MCC: variants seen among roughly 807,000 people sequenced by gnomAD.
The protein encoded by MCC is colorectal mutant cancer protein.
A neutral mutation model predicts 116.2 loss-of-function variants in MCC; 90 were observed. That is an observed-to-expected ratio of 0.77 (90% CI 0.65 to 0.92). The LOEUF (loss-of-function observed/expected upper bound fraction) is 0.92. Among genes scored for constraint, MCC ranks in the 40% least tolerant of loss-of-function variants. The probability of loss-of-function intolerance (pLI) is 0.00; values close to 1 mark genes in which losing one functional copy is unlikely to be tolerated. For synonymous variants in MCC, 578 were observed against 510.5 expected (o/e 1.13, Z -1.78); for missense variants, 1,516 against 1,312.2 (o/e 1.16, Z -2.40).
intron 3 of MCC, among the ~76,000 whole-genome samples, chr5:113,302,505 T>A (rs1418670935): frequency 6.6e-6 from 1 of 152,210 alleles, no homozygotes; most frequent in Non-Finnish European, 1.5e-5. Context: ...AGAAATATAC[T>A]TTTTGGATAT....
intron 3 of MCC, among the ~76,000 whole-genome samples, chr5:113,254,439 C>A (rs1277939782): frequency 2.6e-5 from 4 of 152,054 alleles, no homozygotes; most frequent in African/African-American, 9.7e-5. Flanking sequence ...ATAACGCATT[C>A]AAAAAGTTTG....
intron 6 of MCC, among the ~76,000 whole-genome samples, chr5:113,106,545 A>T (rs79974982): frequency 1.3e-5 from 2 of 152,126 alleles, no homozygotes; most frequent in Admixed American, 6.6e-5. Context: ...TAAAAAAAAA[A>T]TACAACCTTT....
intron 2 of MCC, among the ~76,000 whole-genome samples, chr5:113,353,477 T>C (rs562997001): frequency 3.9e-5 from 6 of 152,236 alleles, no homozygotes; most frequent in Non-Finnish European, 7.4e-5. Context: ...CCTCTCTCTT[T>C]ATGGTCTCTC....
chr5:113,145,974 T>C (rs1759491590), intron 4 of MCC, among the ~76,000 whole-genome samples: 1 of 152,032 alleles, frequency 6.6e-6, no homozygotes. Flanking sequence ...ATAGGGCTTG[T>C]AGCTAAAGGA....
intron 3 of MCC, among the ~76,000 whole-genome samples, chr5:113,158,439 C>A (rs1407729334): frequency 6.6e-6 from 1 of 152,240 alleles, no homozygotes; most frequent in Non-Finnish European, 1.5e-5. Flanking sequence ...ATACACTTTA[C>A]CTGTTCCATC....
intron 10 of MCC, 92 bp downstream of exon 10, chr5:113,084,009 G>T (rs1755033309): frequency 1.1e-6 from 1 of 951,518 alleles, no homozygotes; most frequent in Non-Finnish European, 1.7e-6. Context: ...GTTTATTGGA[G>T]ATAGACTTTG....
At chr5:113,188,091 G>A (rs934654066) in intron 3 of MCC, among the ~76,000 whole-genome samples, 1 of 152,158 alleles carries the variant, frequency 6.6e-6, no homozygotes, top group African/African-American at 2.4e-5. Context: ...ATGTAAAAGA[G>A]GCCATGTATT....
chr5:113,171,738 GC>G (rs1299587988), intron 3 of MCC, among the ~76,000 whole-genome samples: 1 of 152,120 alleles, frequency 6.6e-6, no homozygotes. Context: ...TTACCGGGCA[GC>G]CTCCAAGAAC....
rs1014388388 is a variant in MCC, at chr5:113,091,895, C to T, written c.1399-6585G>A. On this transcript the variant is annotated intron_variant, in intron 8 of 18. Coordinates refer to ENST00000408903, the MANE Select transcript of MCC (RefSeq NM_001085377.2). Reference sequence around the variant, plus strand: ...GCAATGAGACTCAGACACACACACACACACACACCACACAAACACACACAC... The same window carrying T: ...GCAATGAGACTCAGACACACACACATACACACACCACACAAACACACACAC... Among the ~76,000 whole-genome samples, 25 of 148,344 alleles carry T rather than the reference C, an allele frequency of 1.7e-4. 1 individual carries two copies. Among genetic ancestry groups the T allele is most frequent in the Admixed American group, 1.6e-3 (24 of 14,994 alleles).
intron 1 of MCC, among the ~76,000 whole-genome samples, chr5:113,443,486 T>C (rs1399262876): frequency 2.6e-5 from 4 of 152,186 alleles, no homozygotes. Context: ...AATACCTTTT[T>C]TTCTTTCTCT....
At chr5:113,433,500 G>A (rs886893881) in intron 1 of MCC, 4 of 618,180 alleles carry the variant, frequency 6.5e-6, no homozygotes, top group Non-Finnish European at 1.1e-5. Flanking sequence ...TCCGGGTCAC[G>A]CTCTGGGGGA....
At chr5:113,279,176 T>C (rs1765940241) in intron 3 of MCC, among the ~76,000 whole-genome samples, 1 of 152,140 alleles carries the variant, frequency 6.6e-6, no homozygotes, top group Non-Finnish European at 1.5e-5. Flanking sequence ...CTGTGTTAAG[T>C]AGCACTTATA....
intron 3 of MCC, among the ~76,000 whole-genome samples, chr5:113,206,263 A>G (rs754646050): frequency 3.9e-5 from 6 of 152,258 alleles, no homozygotes; most frequent in Non-Finnish European, 8.8e-5. Flanking sequence ...TATACTCACT[A>G]CCTTGGGATG....
chr5:113,310,130 G>A (rs1342033782), intron 3 of MCC, among the ~76,000 whole-genome samples: 1 of 152,212 alleles, frequency 6.6e-6, no homozygotes, highest in Admixed American at 6.5e-5. Flanking sequence ...GAATGAGGGT[G>A]TCCCCTTCAC....
At chr5:113,397,427 G>A (rs777660836) in intron 1 of MCC, among the ~76,000 whole-genome samples, 51 of 152,018 alleles carry the variant, frequency 3.4e-4, no homozygotes, top group Middle Eastern at 3.4e-3. Context: ...TTTGGTTGTG[G>A]TTACCAACTT....
chr5:113,327,619 T>A (rs998559936), intron 3 of MCC, among the ~76,000 whole-genome samples: 4 of 145,192 alleles, frequency 2.8e-5, no homozygotes, highest in Non-Finnish European at 6.0e-5. Context: ...CTTTCCTTAC[T>A]AAGATATTGC....
rs866130019 is a variant in MCC, at chr5:113,449,899, A to T, written c.170+38346T>A. Among the ~76,000 whole-genome samples the T allele has an allele frequency of 1.3e-3, 199 of 152,344 alleles. 2 individuals are homozygous for T. The highest frequency in any genetic ancestry group is 4.7e-3 in the African/African-American group (197 of 41,586). ...AACTCTTTTTCAAATTTATAGTCCT[A>T]TGTAGGTGAAGTACACGGCTGCATT... On this transcript the variant is annotated intron_variant, in intron 1 of 18. Coordinates refer to ENST00000408903, the MANE Select transcript of MCC (RefSeq NM_001085377.2).
intron 3 of MCC, among the ~76,000 whole-genome samples, chr5:113,172,137 T>A (rs186583393): frequency 6.6e-6 from 1 of 152,280 alleles, no homozygotes; most frequent in Non-Finnish European, 1.5e-5. Flanking sequence ...GGACAGTTCA[T>A]ACCCAATAGA....
At chr5:113,477,893 G>GT (rs964468060) in intron 1 of MCC, among the ~76,000 whole-genome samples, 8 of 152,186 alleles carry the variant, frequency 5.3e-5, no homozygotes, top group Admixed American at 2.6e-4. Context: ...CCAATTAAAT[G>GT]TAACTAGGCT....
Sources: gnomAD v4.1 joint callset for allele counts (sites outside exome capture counted in the v4.1 genomes callset) on GRCh38, gnomAD v4.1.1 for gene constraint, MANE v1.5 for transcripts, NCBI Gene and HGNC (gene_info 2026-07-23, HGNC 2026-07-21) for gene names.